The following NCOA3 variants were observed in gnomAD, a reference collection of about 807,000 sequenced individuals.
NCOA3 encodes the protein CBP-interacting protein.
NCOA3 carries 51 observed loss-of-function variants against 158.8 expected under a neutral mutation model. The observed-to-expected ratio is 0.32, with a 90% CI of 0.26 to 0.41. The LOEUF (loss-of-function observed/expected upper bound fraction) is 0.41, where lower values mean the gene tolerates loss of function less well. Ranked by LOEUF, NCOA3 falls within the 10% of genes least tolerant of loss-of-function variation. The pLI is 1.00. For synonymous variants in NCOA3, 537 were observed against 592.4 expected, an observed-to-expected ratio of 0.91 and a Z score of 1.36; for missense variants, 1,510 against 1,746.6, an observed-to-expected ratio of 0.86 and a Z score of 2.41.
intron 2 of NCOA3, among the ~76,000 whole-genome samples, chr20:47,599,391 G>A (rs941550805): frequency 6.6e-6 from 1 of 150,758 alleles, no homozygotes; most frequent in Non-Finnish European, 1.5e-5. Flanking sequence ...GAGGGGGTGG[G>A]AATGGGAGCA....
intron 1 of NCOA3, among the ~76,000 whole-genome samples, chr20:47,513,208 T>C (rs1269885236): frequency 6.6e-6 from 1 of 152,058 alleles, no homozygotes; most frequent in Non-Finnish European, 1.5e-5. Context: ...GTAAATATTA[T>C]ACACTTAGCA....
intron 17 of NCOA3, among the ~76,000 whole-genome samples, chr20:47,646,031 G>A (rs7266134): frequency 0.035 from 5,365 of 152,178 alleles, 253 homozygotes; most frequent in African/African-American, 0.11. Context: ...GCTGTGTACC[G>A]TCACCATTTG....
chr20:47,509,878 TG>T (rs1424468386), intron 1 of NCOA3, among the ~76,000 whole-genome samples: 1 of 152,216 alleles, frequency 6.6e-6, no homozygotes, highest in Non-Finnish European at 1.5e-5. Flanking sequence ...ACTTGCTTGG[TG>T]GTAATTGTGT....
chr20:47,604,027 T>C (rs2085905112), intron 2 of NCOA3, among the ~76,000 whole-genome samples: 1 of 152,220 alleles, frequency 6.6e-6, no homozygotes, highest in South Asian at 2.1e-4. Flanking sequence ...ATCAGTAATA[T>C]AGGAATTAGA....
intron 1 of NCOA3, among the ~76,000 whole-genome samples, chr20:47,531,411 G>A (rs2084545254): frequency 6.6e-6 from 1 of 152,124 alleles, no homozygotes; most frequent in East Asian, 1.9e-4. Flanking sequence ...CCTTTAAACT[G>A]CACTTTTGCA....
intron 1 of NCOA3, among the ~76,000 whole-genome samples, chr20:47,576,643 T>G (rs2085376818): frequency 6.6e-6 from 1 of 152,180 alleles, no homozygotes; most frequent in Non-Finnish European, 1.5e-5. Context: ...AGGGAAAGCC[T>G]TATAAGAAAA....
intron 1 of NCOA3, among the ~76,000 whole-genome samples, chr20:47,556,449 C>T (rs1362993980): frequency 6.6e-6 from 1 of 152,168 alleles, no homozygotes; most frequent in Non-Finnish European, 1.5e-5. Flanking sequence ...TGAACCTGGG[C>T]TTCAAGTAGA....
At chr20:47,630,778 A>T in intron 8 of NCOA3, 1 of 152,628 alleles carries the variant, frequency 6.6e-6, no homozygotes, top group African/African-American at 2.4e-5. Context: ...AGCCTTTTCA[A>T]TGTCTTTCCT....
intron 1 of NCOA3, among the ~76,000 whole-genome samples, chr20:47,551,269 T>C (rs1324001228): frequency 2.0e-5 from 3 of 152,196 alleles, no homozygotes; most frequent in Non-Finnish European, 2.9e-5. Flanking sequence ...GCAAATGTTC[T>C]GGGGCCCATA....
At chr20:47,505,859 T>G (rs2084024644) in intron 1 of NCOA3, among the ~76,000 whole-genome samples, 1 of 144,878 alleles carries the variant, frequency 6.9e-6, no homozygotes, top group Non-Finnish European at 1.5e-5. Flanking sequence ...TGGAGTGCAG[T>G]GGCATGATCT....
chr20:47,516,379 C>T (rs1012536313), intron 1 of NCOA3, among the ~76,000 whole-genome samples: 19 of 152,084 alleles, frequency 1.2e-4, no homozygotes, highest in African/African-American at 2.9e-4. Context: ...CAGCTTTTAT[C>T]TTTTCTACCC....
rs2086855491 is a variant in NCOA3 at position 47,655,354 on chromosome 20, A to G, written c.*1937A>G. 1 of 152,182 alleles carries G rather than the reference A, an allele frequency of 6.6e-6. No individual in the cohort carries two copies. The highest frequency in any genetic ancestry group is 2.4e-5 in the African/African-American group (1 of 41,438). The allele number at this position is 152,182 out of a possible 1,614,324, so 9.4% of individuals were successfully genotyped here. On this transcript the variant is annotated 3_prime_UTR_variant, in exon 23 of 23. Transcript: ENST00000371998. ...CTAGCCTTGGTATCATTTTCTAGCA[A>G]TAACTGAGAGCCAGTTAATTTTAAG... is the stretch of plus-strand genomic sequence containing the variant.
chr20:47,627,827 C>G, intron 7 of NCOA3, 78 bp downstream of exon 7: 1 of 1,575,404 alleles, frequency 6.3e-7, no homozygotes, highest in Non-Finnish European at 8.7e-7. Context: ...TGTGTTGTAA[C>G]CCTTCTTACT....
intron 1 of NCOA3, among the ~76,000 whole-genome samples, chr20:47,545,817 C>T (rs781420069): frequency 1.3e-5 from 2 of 151,444 alleles, no homozygotes; most frequent in African/African-American, 2.4e-5. Flanking sequence ...TGGGCTCAAG[C>T]GATCCTCCTG....
At chr20:47,508,746 A>G (rs1180293128) in intron 1 of NCOA3, among the ~76,000 whole-genome samples, 1 of 152,236 alleles carries the variant, frequency 6.6e-6, no homozygotes, top group Non-Finnish European at 1.5e-5. Flanking sequence ...CTTTGATTAA[A>G]AAGAAATCTA....
chr20:47,514,593 A>G (rs925520327), intron 1 of NCOA3, among the ~76,000 whole-genome samples: 4 of 151,288 alleles, frequency 2.6e-5, no homozygotes, highest in African/African-American at 7.3e-5. Context: ...GGGTTTCACC[A>G]TGTTGGCCTG....
chr20:47,522,296 G>T (rs1363991657), intron 1 of NCOA3, among the ~76,000 whole-genome samples: 1 of 151,310 alleles, frequency 6.6e-6, no homozygotes, highest in East Asian at 1.9e-4. Flanking sequence ...TAGAGACGGG[G>T]TTTCACCATG....
At chr20:47,530,984 C>T (rs1292824106) in intron 1 of NCOA3, among the ~76,000 whole-genome samples, 1 of 152,100 alleles carries the variant, frequency 6.6e-6, no homozygotes, top group Non-Finnish European at 1.5e-5. Flanking sequence ...TAATTATCTA[C>T]CCTGTTTCAT....
intron 1 of NCOA3, among the ~76,000 whole-genome samples, chr20:47,545,961 C>CA (rs1443856825): frequency 1.3e-5 from 2 of 151,996 alleles, no homozygotes; most frequent in African/African-American, 4.8e-5. Context: ...GTGATCCTCC[C>CA]ACCTCAACCT....
Sources: allele counts gnomAD v4.1 joint callset (sites outside exome capture counted in the v4.1 genomes callset), GRCh38; gene constraint gnomAD v4.1.1; transcripts MANE v1.5; gene names NCBI Gene and HGNC (gene_info 2026-07-23, HGNC 2026-07-21).